OR6B1: variants seen among roughly 807,000 people sequenced by gnomAD.
OR6B1 encodes olfactory receptor family 6 subfamily B member 1.
In OR6B1, 15 loss-of-function variants were observed where a neutral mutation model predicts 15.4. The ratio of observed to expected loss-of-function variants is 0.97; its 90% confidence interval spans 0.65 to 1.50. OR6B1 has a LOEUF of 1.50. Ranked by LOEUF, OR6B1 falls within the 40% of genes most tolerant of loss-of-function variation. The probability of loss-of-function intolerance (pLI) is 0.00; values close to 1 mark genes in which losing one functional copy is unlikely to be tolerated. For synonymous variants in OR6B1, 139 were observed against 144.9 expected (o/e 0.96, Z 0.29); for missense variants, 384 against 385.0 (o/e 1.00, Z 0.02).
rs368826500 is a variant in OR6B1, at chr7:144,004,746, T to G, written c.750T>G (p.Tyr250Ter). 3 of 1,614,114 alleles carry G rather than the reference T, an allele frequency of 1.9e-6. No homozygotes were observed. The highest frequency in any genetic ancestry group is 1.6e-4 in the Middle Eastern group (1 of 6,084). Reference protein sequence around the residue: ...ASHLVVVTIFYSAIIFMYARP... With the variant: ...ASHLVVVTIF ...ATCTTGTGGTGGTCACCATTTTCTA[T>G]TCAGCCATTATTTTCATGTATGCTC... The change falls in exon 2 of 2, where the codon TAT becomes TAG. Residue 250 changes from tyrosine (Y) to a stop codon, truncating the protein, a stop_gained. Transcript: ENST00000641698. LOFTEE classifies it high-confidence loss of function.
chr7:144,001,047 G>A (rs1284554990), intron 1 of OR6B1, among the ~76,000 whole-genome samples: 1 of 152,198 alleles, frequency 6.6e-6, no homozygotes, highest in East Asian at 1.9e-4. Context: ...AGGGGCGGAG[G>A]TTAAATGTTC....
rs761045364 is a variant in OR6B1, at chr7:144,004,196, CCTT to C, written c.204_206del (p.Phe68del). On this transcript the variant is annotated inframe_deletion, in exon 2 of 2. Transcript: ENST00000641698. ...ATGTACTTCTTCCTGGCCAACCTGT[CCTT>C]CTTGGAGACCTGGTACATCTCTGTG... 11 of 1,614,178 alleles carry C rather than the reference CCTT, an allele frequency of 6.8e-6. No individual in the cohort carries two copies. The highest frequency in any genetic ancestry group is 1.1e-5 in the South Asian group (1 of 91,068).
In OR6B1 at chr7:144,004,214, A is replaced by T. The variant is rs1453826640; in HGVS notation, c.218A>T (p.Tyr73Phe). 2.5e-6 allele frequency: 4 copies of T among 1,614,100 alleles called. 1 individual carries two copies. The highest frequency in any genetic ancestry group is 1.7e-5 in the Admixed American group (1 of 60,012). The part of the protein sequence containing the change: ...LANLSFLETW[Y>F]ISVTVPKLLF... ...AACCTGTCCTTCTTGGAGACCTGGT[A>T]CATCTCTGTGACTGTGCCCAAGTTA... Residue 73 changes from tyrosine to phenylalanine, a missense_variant, in exon 2 of 2, where the codon TAC becomes TTC. By Grantham distance (22) the Tyr-to-Phe change is conservative. Coordinates refer to ENST00000641698, the MANE Select transcript of OR6B1 (RefSeq NM_001005281.3).
rs969081474 is a variant in OR6B1, at chr7:144,008,394, G to C, written c.*3462G>C. 2.0e-5 allele frequency: 3 copies of C among 152,284 alleles called. No individual in the cohort carries two copies. The highest frequency in any genetic ancestry group is 7.2e-5 in the African/African-American group (3 of 41,440). The allele number at this position is 152,284 out of a possible 1,614,324, so 9.4% of individuals were successfully genotyped here. On this transcript the variant is annotated 3_prime_UTR_variant, in exon 2 of 2. Coordinates refer to ENST00000641698, the MANE Select transcript of OR6B1 (RefSeq NM_001005281.3). ...CATTCCAGGTAGAGAAACAGCAAGG[G>C]AAGATATGGAGTCTTGTGTAGTATG... is the stretch of plus-strand genomic sequence containing the variant.
Position 144,008,251 on chromosome 7 carries a change from G to A in OR6B1, c.*3319G>A, listed in dbSNP as rs2050637994. 2 of 152,230 alleles carry A rather than the reference G, an allele frequency of 1.3e-5. 1 individual carries two copies. Among genetic ancestry groups the A allele is most frequent in the Admixed American group, 1.3e-4 (2 of 15,280 alleles). 9.4% of individuals were successfully genotyped at this position (152,230 alleles called of 1,614,324 possible). ...GCATGAAAGTATAATAGGAAGTGCTGCTGGAGATGAGAAATTTTAAATAAG... is the reference window on the plus strand; with the variant it reads ...GCATGAAAGTATAATAGGAAGTGCTACTGGAGATGAGAAATTTTAAATAAG... On this transcript the variant is annotated 3_prime_UTR_variant, in exon 2 of 2. Transcript: ENST00000641698.
In OR6B1 at chr7:144,004,162, C is replaced by T. The variant is rs2116974773; in HGVS notation, c.166C>T (p.His56Tyr). 6.2e-7 allele frequency: 1 copy of T among 1,614,182 alleles called. No individual in the cohort carries two copies. Among genetic ancestry groups the T allele is most frequent in the South Asian group, 1.1e-5 (1 of 91,080 alleles). Residue 56 changes from histidine (H) to tyrosine (Y), a missense_variant, in exon 2 of 2, where the codon CAC (histidine) becomes TAC (tyrosine). By Grantham distance (83) the His-to-Tyr change is moderately conservative. Coordinates refer to ENST00000641698, the MANE Select transcript of OR6B1 (RefSeq NM_001005281.3). ...ATTGGTGCTGCAAAATCGGCCACTG[C>T]ACAAGCCTATGTACTTCTTCCTGGC... The part of the protein sequence containing the change: ...ILLVLQNRPL[H>Y]KPMYFFLANL...
chr7:144,003,787 A>G, intron 1 of OR6B1, 185 bp from the exon 2 acceptor site: 1 of 571,376 alleles, frequency 1.8e-6, no homozygotes, highest in Non-Finnish European at 3.1e-6. Context: ...ACACACACAC[A>G]CACACACACA....
Position 144,004,761 on chromosome 7 carries a change from C to T in OR6B1, c.765C>T (p.Phe255=), listed in dbSNP as rs1378463137. 3.7e-6 allele frequency: 6 copies of T among 1,614,196 alleles called. No homozygotes were observed. The highest frequency in any genetic ancestry group is 5.1e-6 in the Non-Finnish European group (6 of 1,180,034). ...CCATTTTCTATTCAGCCATTATTTT[C>T]ATGTATGCTCGACCTCGAGTTATCC... ...VVTIFYSAII[F]MYARPRVIHA... Residue 255 remains phenylalanine (F), a synonymous_variant, in exon 2 of 2, where the codon TTC becomes TTT. Coordinates refer to ENST00000641698, the MANE Select transcript of OR6B1 (RefSeq NM_001005281.3).
rs778095107 is a variant in OR6B1 at position 144,004,750 on chromosome 7, G to A, written c.754G>A (p.Ala252Thr). 6.2e-7 allele frequency: 1 copy of A among 1,614,158 alleles called. No homozygotes were observed. Among genetic ancestry groups the A allele is most frequent in the Admixed American group, 1.7e-5 (1 of 60,012 alleles). ...TGTGGTGGTCACCATTTTCTATTCA[G>A]CCATTATTTTCATGTATGCTCGACC... ...HLVVVTIFYS[A>T]IIFMYARPRV... is the part of the protein sequence containing the mutation. Residue 252 changes from alanine to threonine, a missense_variant, in exon 2 of 2, where the codon GCC becomes ACC. Coordinates refer to ENST00000641698, the MANE Select transcript of OR6B1 (RefSeq NM_001005281.3).
In OR6B1 at chr7:144,003,981, GCCCTGTGTCT is replaced by G; in HGVS notation, c.-13_-4del. The G allele has an allele frequency of 6.3e-7, 1 of 1,583,048 alleles. No homozygotes were observed. Among genetic ancestry groups the G allele is most frequent in the Non-Finnish European group, 8.6e-7 (1 of 1,159,466 alleles). ...GATTTTTCCTCCCCAGGAGAGCTAAGCCCTGTGTCTCCAATATGGAGTTGGAGAACCAGAC... is the reference window on the plus strand; with the variant it reads ...GATTTTTCCTCCCCAGGAGAGCTAAGCCAATATGGAGTTGGAGAACCAGAC... On this transcript the variant is annotated 5_prime_UTR_variant, in exon 2 of 2. Coordinates refer to ENST00000641698, the MANE Select transcript of OR6B1 (RefSeq NM_001005281.3).
intron 1 of OR6B1, among the ~76,000 whole-genome samples, chr7:144,001,100 T>C (rs1166526940): frequency 6.6e-6 from 1 of 152,200 alleles, no homozygotes; most frequent in Non-Finnish European, 1.5e-5. Context: ...TATAGAACCC[T>C]GACAAAGTTG....
At position 144,004,306 on chromosome 7, in the gene OR6B1, T is replaced by G; in HGVS notation, c.310T>G (p.Phe104Val). Residue 104 changes from phenylalanine to valine, a missense_variant, in exon 2 of 2, where the codon TTC becomes GTC. Phe to Val is a conservative substitution (Grantham distance 50). Transcript: ENST00000641698. Reference sequence around the variant, plus strand: ...ACTCTGTATGATACAACTGTACTTCTTCATTGCTCTCATGTGCACAGAATG... The same window carrying G: ...ACTCTGTATGATACAACTGTACTTCGTCATTGCTCTCATGTGCACAGAATG... ...FTLCMIQLYF[F>V]IALMCTECVL... 6.2e-7 allele frequency: 1 copy of G among 1,614,232 alleles called. No homozygotes were observed. The highest frequency in any genetic ancestry group is 1.1e-5 in the South Asian group (1 of 91,084).
rs897723358 is a variant in OR6B1 at position 144,004,993 on chromosome 7, T to C, written c.*61T>C. ...GGTGCCTGTATGTCTTCCTCCATCC[T>C]TTCTCCTTTAACGACTCAGTTAGGA... On this transcript the variant is annotated 3_prime_UTR_variant, in exon 2 of 2. Coordinates refer to ENST00000641698, the MANE Select transcript of OR6B1 (RefSeq NM_001005281.3). The C allele has an allele frequency of 1.5e-5, 18 of 1,230,204 alleles. No individual in the cohort carries two copies. The highest frequency in any genetic ancestry group is 2.4e-5 in the East Asian group (1 of 42,408). The allele number at this position is 1,230,204 out of a possible 1,614,324, so 76.2% of individuals were successfully genotyped here. A position where few individuals can be genotyped will look rare whatever the true frequency, so the allele number is the denominator to read the frequency against.
rs763595129 is a variant in OR6B1 at position 144,004,254 on chromosome 7, G to T, written c.258G>T (p.Trp86Cys). Reference protein sequence around the residue: ...VTVPKLLFSFWSVNNSISFTL... With the variant: ...VTVPKLLFSFCSVNNSISFTL... ...TGCCCAAGTTACTGTTTAGTTTTTG[G>T]TCTGTGAACAACAGCATCTCTTTCA... The change falls in exon 2 of 2, where the codon TGG becomes TGT. Residue 86 changes from tryptophan to cysteine, a missense_variant. Coordinates refer to ENST00000641698, the MANE Select transcript of OR6B1 (RefSeq NM_001005281.3). 2.5e-6 allele frequency: 4 copies of T among 1,614,148 alleles called. No homozygotes were observed. The South Asian group carries it at 4.4e-5, about 18-fold the overall frequency.
At chr7:144,003,794 C>CACAT (rs1339921741) in intron 1 of OR6B1, 178 bp from the exon 2 acceptor site, 10 of 585,832 alleles carry the variant, frequency 1.7e-5, no homozygotes, top group African/African-American at 1.9e-5. Flanking sequence ...CACACACACA[C>CACAT]ACACACACAC....
chr7:144,006,104 A>G lies in OR6B1; in HGVS notation c.*1172A>G, dbSNP rs142203102. ...CTAAGAACAAACCACACTTTCAAGA[A>G]TGCTTTCTCTTTCTTCTTAATTAAG... On this transcript the variant is annotated 3_prime_UTR_variant, in exon 2 of 2. Transcript: ENST00000641698. 4 of 152,356 alleles carry G rather than the reference A, an allele frequency of 2.6e-5. No individual in the cohort carries two copies. In the East Asian group the frequency reaches 7.7e-4, roughly 29 times the overall value. 9.4% of individuals were successfully genotyped at this position (152,356 alleles called of 1,614,324 possible).
rs754000213 is a variant in OR6B1 at position 144,004,721 on chromosome 7, A to G, written c.725A>G (p.His242Arg). 6.2e-7 allele frequency: 1 copy of G among 1,614,110 alleles called. No individual in the cohort carries two copies. The highest frequency in any genetic ancestry group is 1.7e-5 in the Admixed American group (1 of 60,026). The change falls in exon 2 of 2, where the codon CAT becomes CGT. Residue 242 changes from histidine to arginine, a missense_variant. Transcript: ENST00000641698. Reference sequence around the variant, plus strand: ...AAAGCGTTCTCCACTTGTGCCTCCCATCTTGTGGTGGTCACCATTTTCTAT... The same window carrying G: ...AAAGCGTTCTCCACTTGTGCCTCCCGTCTTGTGGTGGTCACCATTTTCTAT... Reference protein sequence around the residue: ...KQKAFSTCASHLVVVTIFYSA... With the variant: ...KQKAFSTCASRLVVVTIFYSA...
Position 144,004,753 on chromosome 7 carries a change from A to G in OR6B1, c.757A>G (p.Ile253Val). 2.5e-6 allele frequency: 4 copies of G among 1,614,204 alleles called. No homozygotes were observed. Among genetic ancestry groups the G allele is most frequent in the Non-Finnish European group, 1.7e-6 (2 of 1,180,046 alleles). The change falls in exon 2 of 2, where the codon ATT becomes GTT. Residue 253 changes from isoleucine to valine, a missense_variant. Coordinates refer to ENST00000641698, the MANE Select transcript of OR6B1 (RefSeq NM_001005281.3). ...GGTGGTCACCATTTTCTATTCAGCCATTATTTTCATGTATGCTCGACCTCG... is the reference window on the plus strand; with the variant it reads ...GGTGGTCACCATTTTCTATTCAGCCGTTATTTTCATGTATGCTCGACCTCG... ...LVVVTIFYSA[I>V]IFMYARPRVI...
chr7:144,002,670 G>A (rs1404010320), intron 1 of OR6B1, among the ~76,000 whole-genome samples: 2 of 152,172 alleles, frequency 1.3e-5, no homozygotes, highest in Non-Finnish European at 2.9e-5. Context: ...CAACGACAGA[G>A]TTATCTTTCC....
Sources: gnomAD v4.1 joint callset for allele counts (sites outside exome capture counted in the v4.1 genomes callset) on GRCh38, gnomAD v4.1.1 for gene constraint, MANE v1.5 for transcripts, NCBI Gene and HGNC (gene_info 2026-07-23, HGNC 2026-07-21) for gene names.